Variants in LYG2 observed in about 807,000 individuals in gnomAD.
The protein encoded by LYG2 is lysozyme g2.
In LYG2, 25 loss-of-function variants were observed where a neutral mutation model predicts 22.4. That is an observed-to-expected ratio of 1.12 (90% CI 0.81 to 1.56). The LOEUF is 1.56. Among genes scored for constraint, LYG2 ranks in the 40% most tolerant of loss-of-function variants. LYG2 has a pLI of 0.00. For synonymous variants in LYG2, 88 were observed against 97.0 expected (o/e 0.91, Z 0.55); for missense variants, 266 against 269.5 (o/e 0.99, Z 0.09).
chr2:99,246,740 C>T lies in LYG2; in HGVS notation c.124G>A (p.Asp42Asn), dbSNP rs200719469. The part of the protein sequence containing the change: ...HPRLYHGCYG[D>N]IMTMKTSGAT... The stretch of plus-strand genomic sequence containing the variant: ...CCAGAGGTCTTCATGGTCATGATGT[C>T]CCCATAGCAGCCGTGGTACAGGCGT... The change falls in exon 4 of 7, where the codon GAC becomes AAC. Residue 42 changes from aspartate (D) to asparagine (N), a missense_variant. Coordinates refer to ENST00000333017, the MANE Select transcript of LYG2 (RefSeq NM_175735.4). The T allele has an allele frequency of 5.0e-5, 80 of 1,614,024 alleles. No homozygotes were observed. Among genetic ancestry groups the T allele is most frequent in the Non-Finnish European group, 4.6e-5 (54 of 1,180,000 alleles).
rs768307812 is a variant in LYG2 at position 99,246,680 on chromosome 2, C to T, written c.184G>A (p.Gly62Arg). Residue 62 changes from glycine to arginine, a missense_variant and splice_region_variant, in exon 4 of 7, where the codon GGG (glycine) becomes AGG (arginine). By Grantham distance (125) the Gly-to-Arg change is moderately radical (BLOSUM62 -2). Transcript: ENST00000333017. ...TCDANSVMNC[G>R]IRGSEMFAEM... The stretch of plus-strand genomic sequence containing the variant: ...GTCATTTGCTCTGCTTTTCACTTAC[C>T]GCAGTTCATCACACTGTTTGCATCA... 1.1e-5 allele frequency: 18 copies of T among 1,610,732 alleles called. No individual in the cohort carries two copies. The highest frequency in any genetic ancestry group is 1.7e-4 in the Middle Eastern group (1 of 6,030).
chr2:99,248,330 C>G (rs559104788), intron 3 of LYG2, among the ~76,000 whole-genome samples: 2,136 of 152,140 alleles, frequency 0.014, 13 homozygotes, highest in Middle Eastern at 0.024. Context: ...TTGGAACCAA[C>G]CCAAATGTCC....
At chr2:99,247,686 C>T (rs2105271986) in intron 3 of LYG2, among the ~76,000 whole-genome samples, 1 of 152,196 alleles carries the variant, frequency 6.6e-6, no homozygotes, top group South Asian at 2.1e-4. Flanking sequence ...GAGATGTGAA[C>T]ATCTAGATTA....
Position 99,246,810 on chromosome 2 carries a change from C to G in LYG2, c.54G>C (p.Arg18Ser), listed in dbSNP as rs199758309. 129 of 1,611,810 alleles carry G rather than the reference C, an allele frequency of 8.0e-5. No individual in the cohort carries two copies. Among genetic ancestry groups the G allele is most frequent in the Non-Finnish European group, 9.7e-5 (114 of 1,179,520 alleles). The stretch of plus-strand genomic sequence containing the variant: ...TTGAGTGACTGAAGGGGTATGAGCC[C>G]CTGGAAGTGCCTAGGAGGCAGAAGT... Reference protein sequence around the residue: ...WGLIALIGTSRGSYPFSHSMK... With the variant: ...WGLIALIGTSSGSYPFSHSMK... Residue 18 changes from arginine to serine, a missense_variant, in exon 4 of 7, where the codon AGG (arginine) becomes AGC (serine). Physicochemically the swap from Arg to Ser is moderately radical, Grantham distance 110. Transcript: ENST00000333017.
At chr2:99,250,494 C>T (rs1003588606) in intron 3 of LYG2, among the ~76,000 whole-genome samples, 1 of 151,802 alleles carries the variant, frequency 6.6e-6, no homozygotes, top group Non-Finnish European at 1.5e-5. Context: ...CCTGCCTCAG[C>T]CTCCCCAGCA....
intron 3 of LYG2, among the ~76,000 whole-genome samples, chr2:99,253,735 A>T (rs2094031248): frequency 6.6e-6 from 1 of 151,962 alleles, no homozygotes; most frequent in Non-Finnish European, 1.5e-5. Context: ...TTATTAAATC[A>T]CCAAGCATCC....
At chr2:99,249,352 C>T (rs776567411) in intron 3 of LYG2, among the ~76,000 whole-genome samples, 1 of 150,656 alleles carries the variant, frequency 6.6e-6, no homozygotes, top group African/African-American at 2.5e-5. Context: ...CCCGGGAGGT[C>T]GAGGCTGCAG....
chr2:99,250,203 C>T (rs1455162738), intron 3 of LYG2, among the ~76,000 whole-genome samples: 2 of 152,150 alleles, frequency 1.3e-5, no homozygotes, highest in East Asian at 1.9e-4. Context: ...CTGGTATCTA[C>T]ATGATCATGC....
chr2:99,255,447 C>T (rs1055474436), intron 1 of LYG2, among the ~76,000 whole-genome samples, 156 bp downstream of exon 1: 2 of 152,066 alleles, frequency 1.3e-5, no homozygotes, highest in African/African-American at 2.4e-5. Context: ...CCTAATGAAC[C>T]CCCAAGTTGC....
chr2:99,254,710 C>T (rs1484109778), intron 2 of LYG2, among the ~76,000 whole-genome samples: 3 of 152,120 alleles, frequency 2.0e-5, no homozygotes, highest in Non-Finnish European at 4.4e-5. Flanking sequence ...TGCTCTGTCA[C>T]CCAGGCTGGA....
intron 3 of LYG2, among the ~76,000 whole-genome samples, chr2:99,250,512 C>A (rs973669116): frequency 6.6e-6 from 1 of 152,004 alleles, no homozygotes; most frequent in Admixed American, 6.6e-5. Flanking sequence ...GCAGCTGGGA[C>A]TACAGGCGCC....
At chr2:99,261,261 G>A in the LYG2 span, among the ~76,000 whole-genome samples, 2 of 152,054 alleles carry the variant, frequency 1.3e-5, no homozygotes, top group Admixed American at 1.3e-4. Flanking sequence ...ATGAAGGGAA[G>A]AAAGTAAGGG....
At chr2:99,252,789 A>G (rs527742466) in intron 3 of LYG2, among the ~76,000 whole-genome samples, 310 of 152,090 alleles carry the variant, frequency 2.0e-3, no homozygotes, top group Non-Finnish European at 3.3e-3. Context: ...GCTCACACCT[A>G]TAATCCCAGC....
the LYG2 span, among the ~76,000 whole-genome samples, chr2:99,261,324 G>GT: frequency 3.5e-4 from 54 of 152,232 alleles, no homozygotes; most frequent in African/African-American, 1.3e-3. Context: ...GAGGTGGAGT[G>GT]TATCGGCCAT....
intron 6 of LYG2, chr2:99,243,516 A>G (rs2094010091): frequency 6.6e-7 from 1 of 1,513,564 alleles, no homozygotes; most frequent in Admixed American, 2.2e-5. Context: ...ATAGATAGAT[A>G]GATAGATAGA....
Position 99,254,216 on chromosome 2 carries a change from A to G in LYG2, c.43+2T>C, listed in dbSNP as rs2094031919. 3 of 1,613,708 alleles carry G rather than the reference A, an allele frequency of 1.9e-6. No homozygotes were observed. In the African/African-American group the frequency reaches 4.0e-5, roughly 22 times the overall value. ...AATGCTAAATCTCAGCCAGTGACTT[A>G]CCAATGAGGGCAATTAGTCCCCAAA... On this transcript the variant is annotated splice_donor_variant, in intron 3 of 6. Transcript: ENST00000333017. LOFTEE classifies it high-confidence loss of function.
At position 99,245,367 on chromosome 2, in the gene LYG2, G is replaced by T; in HGVS notation, c.276C>A (p.Cys92Ter). The change falls in exon 5 of 7, where the codon TGC (cysteine) becomes TGA (stop). Residue 92 changes from cysteine (C) to a stop codon, truncating the protein, a stop_gained. Coordinates refer to ENST00000333017, the MANE Select transcript of LYG2 (RefSeq NM_175735.4). LOFTEE classifies it high-confidence loss of function. ...TGGCTGCGATGACAGCAGGGTCCAC[G>T]CAATGTCTCTGCCCGACTTCTTTGA... is the stretch of plus-strand genomic sequence containing the variant. The part of the protein sequence containing the change: ...TLIKEVGQRH[C>*]VDPAVIAAII... 1 of 1,613,208 alleles carries T rather than the reference G, an allele frequency of 6.2e-7. No homozygotes were observed. The highest frequency in any genetic ancestry group is 8.5e-7 in the Non-Finnish European group (1 of 1,179,602).
chr2:99,248,706 A>C (rs62153809), intron 3 of LYG2, among the ~76,000 whole-genome samples: 2 of 150,984 alleles, frequency 1.3e-5, no homozygotes, highest in Admixed American at 6.6e-5. Flanking sequence ...CACATTGTGC[A>C]CATGTACCCT....
exon 1 of LYG2, among the ~76,000 whole-genome samples, chr2:99,255,663 GTATGTCACATGATCTCAAACCAC>G (rs1383742327): frequency 6.6e-6 from 1 of 152,118 alleles, no homozygotes; most frequent in East Asian, 1.9e-4. Context: ...CCCCGTACCA[GTATGTCACATGATCTCAAACCAC>G]TATGTCACAT....
Sources: gnomAD v4.1 joint callset for allele counts (sites outside exome capture counted in the v4.1 genomes callset) on GRCh38, gnomAD v4.1.1 for gene constraint, MANE v1.5 for transcripts, NCBI Gene and HGNC (gene_info 2026-07-23, HGNC 2026-07-21) for gene names.